Variants in NXPE2 observed in about 807,000 individuals in gnomAD.
NXPE2 encodes the protein neurexophilin and PC-esterase domain family member 2.
NXPE2 carries 34 observed loss-of-function variants against 34.4 expected under a neutral mutation model. The observed-to-expected ratio is 0.99, with a 90% CI of 0.75 to 1.31. The LOEUF (loss-of-function observed/expected upper bound fraction) is 1.31. Ranked by LOEUF, NXPE2 falls within the 40% of genes most tolerant of loss-of-function variation. The probability of loss-of-function intolerance (pLI) is 0.00; values close to 1 mark genes in which losing one functional copy is unlikely to be tolerated. For synonymous variants in NXPE2, 235 were observed against 231.3 expected (o/e 1.02, Z -0.15); for missense variants, 649 against 672.5 (o/e 0.97, Z 0.39).
the NXPE2 span, among the ~76,000 whole-genome samples, chr11:114,497,160 A>G: frequency 2.0e-5 from 3 of 152,158 alleles, no homozygotes; most frequent in Non-Finnish European, 4.4e-5. Flanking sequence ...CAGGATGTGA[A>G]GGTGGAAGAC....
At chr11:114,621,294 C>T in the NXPE2 span, among the ~76,000 whole-genome samples, 1 of 148,482 alleles carries the variant, frequency 6.7e-6, no homozygotes. Context: ...CGGTGGATAA[C>T]AAGTATTGCT....
At chr11:114,505,856 A>G in the NXPE2 span, among the ~76,000 whole-genome samples, 1 of 152,196 alleles carries the variant, frequency 6.6e-6, no homozygotes, top group South Asian at 2.1e-4. Context: ...TGACAGAATT[A>G]CATCCCCATA....
At chr11:114,600,598 A>G in the NXPE2 span, among the ~76,000 whole-genome samples, 45 of 152,128 alleles carry the variant, frequency 3.0e-4, no homozygotes, top group African/African-American at 1.1e-3. Context: ...ATGAAAAACC[A>G]TGTAAGACTA....
At chr11:114,752,130 G>T in the NXPE2 span, among the ~76,000 whole-genome samples, 1 of 152,360 alleles carries the variant, frequency 6.6e-6, no homozygotes, top group South Asian at 2.1e-4. Context: ...GAAGCACTGA[G>T]GGAAGTAAGG....
the NXPE2 span, among the ~76,000 whole-genome samples, chr11:114,557,827 A>G: frequency 6.6e-6 from 1 of 151,812 alleles, no homozygotes; most frequent in Non-Finnish European, 1.5e-5. Flanking sequence ...TCTCAAGGTT[A>G]CATTTTAAAA....
At chr11:114,696,876 A>G (rs1485596156) in intron 2 of NXPE2, among the ~76,000 whole-genome samples, 1 of 152,222 alleles carries the variant, frequency 6.6e-6, no homozygotes, top group East Asian at 1.9e-4. Flanking sequence ...CGCAGATAGT[A>G]CCAAACGCTA....
At chr11:114,785,343 C>A in the NXPE2 span, among the ~76,000 whole-genome samples, 1 of 152,002 alleles carries the variant, frequency 6.6e-6, no homozygotes, top group East Asian at 1.9e-4. Context: ...GGAATGAGAC[C>A]CCAAGCTTCT....
At chr11:114,765,937 C>T in the NXPE2 span, among the ~76,000 whole-genome samples, 1 of 152,268 alleles carries the variant, frequency 6.6e-6, no homozygotes, top group Middle Eastern at 3.4e-3. Flanking sequence ...ACCATCACCA[C>T]TGCTTATATG....
the NXPE2 span, among the ~76,000 whole-genome samples, chr11:114,618,486 G>A: frequency 2.0e-5 from 3 of 152,026 alleles, no homozygotes; most frequent in African/African-American, 7.2e-5. Context: ...TGGATAATAA[G>A]TGTTGCCTCG....
At chr11:114,566,158 T>C in the NXPE2 span, among the ~76,000 whole-genome samples, 256 of 152,294 alleles carry the variant, frequency 1.7e-3, 1 homozygote, top group African/African-American at 5.4e-3. Flanking sequence ...GATATGCAAG[T>C]CCTAAGTGCA....
the NXPE2 span, among the ~76,000 whole-genome samples, chr11:114,535,800 C>G: frequency 6.6e-6 from 1 of 152,134 alleles, no homozygotes; most frequent in Non-Finnish European, 1.5e-5. Flanking sequence ...TAGTGACCTA[C>G]AAAGAGACTT....
chr11:114,566,223 G>T, the NXPE2 span, among the ~76,000 whole-genome samples: 3 of 151,546 alleles, frequency 2.0e-5, no homozygotes, highest in Non-Finnish European at 2.9e-5. Flanking sequence ...ATCATCGATA[G>T]TATTTAAGCC....
chr11:114,519,415 T>G, the NXPE2 span, among the ~76,000 whole-genome samples: 1 of 152,184 alleles, frequency 6.6e-6, no homozygotes, highest in Non-Finnish European at 1.5e-5. Flanking sequence ...TTTAATAAAG[T>G]TCTCTTTGGG....
chr11:114,475,226 G>GT, the NXPE2 span, among the ~76,000 whole-genome samples: 2,147 of 87,934 alleles, frequency 0.024, 615 homozygotes, highest in Non-Finnish European at 0.035. Flanking sequence ...AATGTGAACT[G>GT]TTTTTTTTTT....
chr11:114,656,957 G>C, the NXPE2 span, among the ~76,000 whole-genome samples: 4 of 152,124 alleles, frequency 2.6e-5, no homozygotes, highest in African/African-American at 9.7e-5. Flanking sequence ...AGCCAGGCGT[G>C]GTGGTGGACA....
the NXPE2 span, among the ~76,000 whole-genome samples, chr11:114,533,705 G>T: frequency 6.6e-6 from 1 of 152,192 alleles, no homozygotes; most frequent in African/African-American, 2.4e-5. Flanking sequence ...AGCAATCTGA[G>T]ATCAAACTGC....
chr11:114,734,738 C>A, the NXPE2 span, among the ~76,000 whole-genome samples: 2 of 152,170 alleles, frequency 1.3e-5, no homozygotes, highest in Non-Finnish European at 2.9e-5. Flanking sequence ...CTCTTAGCTA[C>A]ATGCTCAAGG....
At chr11:114,534,666 AC>A in the NXPE2 span, among the ~76,000 whole-genome samples, 1 of 152,234 alleles carries the variant, frequency 6.6e-6, no homozygotes, top group Non-Finnish European at 1.5e-5. Flanking sequence ...GATGTGATCA[AC>A]TGGAAGAAAG....
At chr11:114,577,529 T>C in the NXPE2 span, among the ~76,000 whole-genome samples, 1 of 152,044 alleles carries the variant, frequency 6.6e-6, no homozygotes, top group Non-Finnish European at 1.5e-5. Context: ...ACACCACCGG[T>C]TCCCCAAAAA....
Sources: gnomAD v4.1 joint callset for allele counts (sites outside exome capture counted in the v4.1 genomes callset) on GRCh38, gnomAD v4.1.1 for gene constraint, MANE v1.5 for transcripts, NCBI Gene and HGNC (gene_info 2026-07-23, HGNC 2026-07-21) for gene names.